Variants in FRMD4A observed in about 807,000 individuals in gnomAD.
FRMD4A encodes FERM domain containing 4A.
FRMD4A carries 29 observed loss-of-function variants against 129.1 expected under a neutral mutation model. That is an observed-to-expected ratio of 0.22 (90% CI 0.17 to 0.31). FRMD4A has a LOEUF of 0.31. Ranked by LOEUF, FRMD4A falls within the 10% of genes least tolerant of loss-of-function variation. The pLI is 1.00. For missense variants in FRMD4A, 1,272 were observed against 1,375.8 expected, an observed-to-expected ratio of 0.92 and a Z score of 1.19; for synonymous variants, 634 against 571.6, an observed-to-expected ratio of 1.11 and a Z score of -1.56.
intron 3 of FRMD4A, among the ~76,000 whole-genome samples, chr10:13,822,726 G>A (rs1171752068): frequency 6.6e-6 from 1 of 152,142 alleles, no homozygotes; most frequent in African/African-American, 2.4e-5. Flanking sequence ...ACAGCTCCAG[G>A]CAGCCATGAA....
intron 2 of FRMD4A, among the ~76,000 whole-genome samples, chr10:14,152,756 C>T (rs1840404060): frequency 6.6e-6 from 1 of 152,022 alleles, no homozygotes; most frequent in South Asian, 2.1e-4. Flanking sequence ...GGGAGGATCG[C>T]TTGAGCCTAG....
At chr10:13,777,645 C>G (rs1262227042) in intron 6 of FRMD4A, among the ~76,000 whole-genome samples, 1 of 152,178 alleles carries the variant, frequency 6.6e-6, no homozygotes, top group South Asian at 2.1e-4. Context: ...GACATTTATT[C>G]TTTTTAATTT....
At chr10:13,993,721 G>A (rs1281415206) in intron 2 of FRMD4A, among the ~76,000 whole-genome samples, 2 of 152,076 alleles carry the variant, frequency 1.3e-5, no homozygotes, top group African/African-American at 2.4e-5. Context: ...CCTATTGCTA[G>A]GTAATAAAAC....
chr10:14,286,540 A>G (rs892542633), intron 2 of FRMD4A, among the ~76,000 whole-genome samples: 1 of 152,224 alleles, frequency 6.6e-6, no homozygotes, highest in Admixed American at 6.5e-5. Context: ...CTACAAGAAG[A>G]GAAACAAAAC....
chr10:13,847,418 C>T (rs1285937319), intron 3 of FRMD4A, among the ~76,000 whole-genome samples: 1 of 152,186 alleles, frequency 6.6e-6, no homozygotes, highest in Non-Finnish European at 1.5e-5. Flanking sequence ...GCTGAGATTT[C>T]CCCAGACCGT....
chr10:14,188,979 CCT>C (rs1387877329), intron 2 of FRMD4A, among the ~76,000 whole-genome samples: 2 of 152,228 alleles, frequency 1.3e-5, no homozygotes, highest in African/African-American at 2.4e-5. Context: ...ACCCAGCTCA[CCT>C]CTGTTTGTCT....
intron 2 of FRMD4A, among the ~76,000 whole-genome samples, chr10:14,269,388 T>G (rs1005148031): frequency 2.6e-5 from 4 of 152,138 alleles, no homozygotes; most frequent in Non-Finnish European, 5.9e-5. Context: ...CAGTTCAGGG[T>G]CTCAAGGGGC....
At chr10:13,738,574 T>A (rs1304192416) in intron 11 of FRMD4A, among the ~76,000 whole-genome samples, 1 of 152,096 alleles carries the variant, frequency 6.6e-6, no homozygotes, top group Non-Finnish European at 1.5e-5. Context: ...GGTAGCACAG[T>A]GGAAGCTGAA....
chr10:13,671,336 C>T (rs2083490885), intron 16 of FRMD4A, among the ~76,000 whole-genome samples: 2 of 152,090 alleles, frequency 1.3e-5, no homozygotes, highest in Non-Finnish European at 2.9e-5. Flanking sequence ...CACCTGTAAT[C>T]CCAGCTACTT....
intron 2 of FRMD4A, among the ~76,000 whole-genome samples, chr10:14,312,093 A>G (rs1846569104): frequency 6.6e-6 from 1 of 152,220 alleles, no homozygotes; most frequent in South Asian, 2.1e-4. Flanking sequence ...AAAGCGTCAT[A>G]AACCATTTCC....
At chr10:13,666,998 GCTTCCCAGGTT>G (rs1260424797) in intron 17 of FRMD4A, among the ~76,000 whole-genome samples, 3 of 145,290 alleles carry the variant, frequency 2.1e-5, no homozygotes, top group Non-Finnish European at 3.0e-5. Context: ...TGTAACCACT[GCTTCCCAGGTT>G]CAAATGATTC....
At chr10:14,019,767 T>C (rs993071149) in intron 2 of FRMD4A, among the ~76,000 whole-genome samples, 1 of 152,246 alleles carries the variant, frequency 6.6e-6, no homozygotes, top group African/African-American at 2.4e-5. Context: ...GCAATGTCAG[T>C]AGCAGAAGTA....
intron 15 of FRMD4A, 188 bp downstream of exon 15, chr10:13,693,710 C>A: frequency 1.0e-5 from 7 of 685,658 alleles, no homozygotes; most frequent in East Asian, 3.0e-5. Context: ...TTCCCTTCCA[C>A]TATTTGATTC....
At chr10:13,872,053 G>A (rs915900501) in intron 2 of FRMD4A, among the ~76,000 whole-genome samples, 9 of 152,274 alleles carry the variant, frequency 5.9e-5, no homozygotes, top group African/African-American at 2.2e-4. Context: ...TTCCTACCTC[G>A]TAGAGTTGTG....
intron 2 of FRMD4A, among the ~76,000 whole-genome samples, chr10:13,986,695 A>G (rs1022799789): frequency 1.1e-4 from 17 of 150,108 alleles, no homozygotes; most frequent in Non-Finnish European, 2.1e-4. Flanking sequence ...TAAGGAAAAA[A>G]AAAAAAGAAA....
At chr10:14,064,524 G>C (rs1297840045) in intron 2 of FRMD4A, among the ~76,000 whole-genome samples, 2 of 152,170 alleles carry the variant, frequency 1.3e-5, no homozygotes. Flanking sequence ...GCTCTATGCT[G>C]ATTCTCATTA....
At chr10:14,253,679 T>C (rs979058180) in intron 2 of FRMD4A, among the ~76,000 whole-genome samples, 8 of 152,110 alleles carry the variant, frequency 5.3e-5, no homozygotes, top group African/African-American at 1.9e-4. Flanking sequence ...TTCACTGGAG[T>C]GTGGCAGTGA....
At position 14,303,365 on chromosome 10, in the gene FRMD4A, C is replaced by G. The variant is rs189168916; in HGVS notation, c.45+26693G>C. ...CCCAAGATTCTGCATTTCCCACAAG[C>G]TCCCTGGTGATGCCACTGCTGCTAG... On this transcript the variant is annotated intron_variant, in intron 2 of 24. Coordinates refer to ENST00000357447, the MANE Select transcript of FRMD4A (RefSeq NM_018027.5). 3.5e-3 allele frequency among the ~76,000 whole-genome samples: 527 copies of G among 152,326 alleles called. 1 individual carries two copies. Among genetic ancestry groups the G allele is most frequent in the Non-Finnish European group, 5.1e-3 (346 of 68,032 alleles).
intron 18 of FRMD4A, among the ~76,000 whole-genome samples, chr10:13,665,840 G>T (rs995205245): frequency 6.6e-6 from 1 of 152,236 alleles, no homozygotes; most frequent in African/African-American, 2.4e-5. Flanking sequence ...GCTCCTGGCT[G>T]CAGGTTCTCC....
Sources: gnomAD v4.1 joint callset for allele counts (sites outside exome capture counted in the v4.1 genomes callset) on GRCh38, gnomAD v4.1.1 for gene constraint, MANE v1.5 for transcripts, NCBI Gene and HGNC (gene_info 2026-07-23, HGNC 2026-07-21) for gene names.